The following MYCBP2 variants were observed in gnomAD, a reference collection of about 807,000 sequenced individuals.
MYCBP2 encodes the protein MYC binding protein 2.
In MYCBP2, 120 loss-of-function variants were observed where a neutral mutation model predicts 525.3. The ratio of observed to expected loss-of-function variants is 0.23; its 90% CI spans 0.20 to 0.27. The LOEUF is 0.27. Ranked by LOEUF, MYCBP2 falls within the 10% of genes least tolerant of loss-of-function variation. The pLI, the probability that MYCBP2 is intolerant of heterozygous loss-of-function variation, is 1.00. For missense variants in MYCBP2, 4,149 were observed against 5,657.1 expected (o/e 0.73, Z 8.55); for synonymous variants, 1,894 against 1,955.8 (o/e 0.97, Z 0.83).
At chr13:77,289,595 A>C (rs1387341091) in intron 2 of MYCBP2, among the ~76,000 whole-genome samples, 1 of 152,150 alleles carries the variant, frequency 6.6e-6, no homozygotes, top group African/African-American at 2.4e-5. Flanking sequence ...CACAGCTAAC[A>C]TGGTAATAGA....
At chr13:77,052,972 A>G (rs2037142011) in intron 80 of MYCBP2, among the ~76,000 whole-genome samples, 1 of 152,040 alleles carries the variant, frequency 6.6e-6, no homozygotes, top group South Asian at 2.1e-4. Flanking sequence ...TATCAAAAAT[A>G]CAAACAAACA....
chr13:77,217,795 G>T, intron 21 of MYCBP2, 45 bp downstream of exon 21: 2 of 1,189,188 alleles, frequency 1.7e-6, no homozygotes, highest in Non-Finnish European at 2.4e-6. Flanking sequence ...AAATTATAAG[G>T]CAATGGTATA....
At chr13:77,268,287 T>A (rs1400968916) in intron 7 of MYCBP2, among the ~76,000 whole-genome samples, 1 of 152,144 alleles carries the variant, frequency 6.6e-6, no homozygotes, top group African/African-American at 2.4e-5. Flanking sequence ...AAGTATTGAG[T>A]TTGCTATTTG....
intron 1 of MYCBP2, among the ~76,000 whole-genome samples, chr13:77,298,850 C>A (rs2078471118): frequency 6.6e-6 from 1 of 152,134 alleles, no homozygotes; most frequent in Admixed American, 6.5e-5. Flanking sequence ...CATATACCTG[C>A]TTATAGAATC....
intron 8 of MYCBP2, 79 bp downstream of exon 8, chr13:77,267,762 T>A (rs2074308732): frequency 1.8e-6 from 2 of 1,118,692 alleles, no homozygotes; most frequent in South Asian, 2.6e-5. Context: ...TTGCTAATCA[T>A]TCTTTATGTG....
At position 77,045,453 on chromosome 13, in the gene MYCBP2, G is replaced by A; in HGVS notation, c.13962C>T (p.Leu4654=). The stretch of plus-strand genomic sequence containing the variant: ...CCCCAGTGGGTGGATGAACAACATG[G>A]AGTGGACATTCAGTTCCTTCTAACT... The part of the protein sequence containing the change: ...GKQLEGTECP[L]HVVHPPTGEE... Residue 4654 remains leucine, a synonymous_variant, in exon 83 of 83, where the codon CTC becomes CTT. Transcript: ENST00000544440. 6.2e-7 allele frequency: 1 copy of A among 1,614,096 alleles called. No homozygotes were observed. The highest frequency in any genetic ancestry group is 8.5e-7 in the Non-Finnish European group (1 of 1,180,004).
At chr13:77,134,264 C>T (rs2053386317) in intron 52 of MYCBP2, among the ~76,000 whole-genome samples, 1 of 151,962 alleles carries the variant, frequency 6.6e-6, no homozygotes, top group Non-Finnish European at 1.5e-5. Context: ...CGTCTTTAAT[C>T]CCAGTCTGTA....
intron 1 of MYCBP2, among the ~76,000 whole-genome samples, chr13:77,317,074 C>A (rs2081034935): frequency 6.6e-6 from 1 of 152,086 alleles, no homozygotes; most frequent in South Asian, 2.1e-4. Flanking sequence ...CTCAGCCTCC[C>A]AATTAGCTGG....
At chr13:77,303,180 A>G (rs1425562735) in intron 1 of MYCBP2, among the ~76,000 whole-genome samples, 1 of 152,192 alleles carries the variant, frequency 6.6e-6, no homozygotes, top group East Asian at 1.9e-4. Flanking sequence ...TAAAAATACA[A>G]AAATTAGCCG....
At chr13:77,095,122 C>A (rs919081847) in intron 58 of MYCBP2, among the ~76,000 whole-genome samples, 1 of 152,124 alleles carries the variant, frequency 6.6e-6, no homozygotes, top group African/African-American at 2.4e-5. Flanking sequence ...TTTTCTAAGA[C>A]ATGTTGTGTA....
chr13:77,299,789 A>C (rs1299342015), intron 1 of MYCBP2, among the ~76,000 whole-genome samples: 2 of 152,220 alleles, frequency 1.3e-5, no homozygotes, highest in Non-Finnish European at 2.9e-5. Context: ...CAGTCTTCTC[A>C]CAAAAATAAC....
rs534418866 is a variant in MYCBP2 at position 77,267,399 on chromosome 13, A to G, written c.1357+442T>C. Among the ~76,000 whole-genome samples, 20 of 150,418 alleles carry G rather than the reference A, an allele frequency of 1.3e-4. No homozygotes were observed. In the East Asian group the frequency reaches 2.7e-3, roughly 20 times the overall value. ...CTCTGAAACCCCTTTAACATAAAAT[A>G]AAATAAAATAAAATTAAATTAAATT... On this transcript the variant is annotated intron_variant, in intron 8 of 82. Transcript: ENST00000544440.
At chr13:77,073,457 A>G (rs559821608) in intron 68 of MYCBP2, among the ~76,000 whole-genome samples, 2 of 152,316 alleles carry the variant, frequency 1.3e-5, no homozygotes, top group East Asian at 3.9e-4. Context: ...AATGGTTTAT[A>G]CTTTCTTTTC....
chr13:77,160,969 A>G (rs2057845891), intron 44 of MYCBP2, among the ~76,000 whole-genome samples: 1 of 152,220 alleles, frequency 6.6e-6, no homozygotes, highest in Admixed American at 6.5e-5. Context: ...AATTTTACAA[A>G]TCTATCACAT....
At chr13:77,099,154 G>T in intron 55 of MYCBP2, 141 bp from the exon 56 acceptor site, 3 of 1,074,374 alleles carry the variant, frequency 2.8e-6, no homozygotes, top group Non-Finnish European at 3.9e-6. Context: ...GAAGAATAAA[G>T]GAAAGAAGGG....
chr13:77,159,598 T>A (rs906769793), intron 44 of MYCBP2, among the ~76,000 whole-genome samples: 1 of 152,194 alleles, frequency 6.6e-6, no homozygotes, highest in African/African-American at 2.4e-5. Flanking sequence ...GGGGGCAGAC[T>A]TCCCCCTTGC....
At chr13:77,322,599 G>GC (rs1686817447) in intron 1 of MYCBP2, among the ~76,000 whole-genome samples, 1 of 152,204 alleles carries the variant, frequency 6.6e-6, no homozygotes, top group African/African-American at 2.4e-5. Flanking sequence ...CATTTCATGG[G>GC]CACTTACCAG....
chr13:77,168,705 A>G (rs2058796639), intron 39 of MYCBP2, 59 bp from the exon 40 acceptor site: 1 of 1,451,270 alleles, frequency 6.9e-7, no homozygotes, highest in African/African-American at 1.4e-5. Flanking sequence ...TTCTAAAATT[A>G]TGCATTACAA....
intron 1 of MYCBP2, among the ~76,000 whole-genome samples, chr13:77,319,732 A>C (rs1296307676): frequency 6.6e-6 from 1 of 152,214 alleles, no homozygotes; most frequent in Non-Finnish European, 1.5e-5. Flanking sequence ...GAAAGTTTTA[A>C]GTTGCATAGC....
Sources: gnomAD v4.1 joint callset for allele counts (sites outside exome capture counted in the v4.1 genomes callset) on GRCh38, gnomAD v4.1.1 for gene constraint, MANE v1.5 for transcripts, NCBI Gene and HGNC (gene_info 2026-07-23, HGNC 2026-07-21) for gene names.